The following CSMD1 variants were observed in gnomAD, a reference collection of about 807,000 sequenced individuals.
CSMD1 encodes the protein CUB and sushi domain-containing protein 1.
A neutral mutation model predicts 417.5 loss-of-function variants in CSMD1; 213 were observed. The ratio of observed to expected loss-of-function variants is 0.51; its 90% CI spans 0.46 to 0.57. The LOEUF is 0.57. Among genes scored for constraint, CSMD1 ranks in the 20% least tolerant of loss-of-function variants. The probability of loss-of-function intolerance (pLI) is 0.00; values close to 1 mark genes in which losing one functional copy is unlikely to be tolerated. For missense variants in CSMD1, 6,923 were observed against 4,529.7 expected (o/e 1.53, Z -15.17); for synonymous variants, 2,862 against 1,736.8 (o/e 1.65, Z -16.11).
intron 1 of CSMD1, among the ~76,000 whole-genome samples, chr8:4,907,321 C>T (rs1234865055): frequency 6.6e-6 from 1 of 152,148 alleles, no homozygotes; most frequent in Non-Finnish European, 1.5e-5. Context: ...AGAACTCTCT[C>T]GCTATTAACC....
At chr8:4,451,919 A>T (rs1385961409) in intron 2 of CSMD1, among the ~76,000 whole-genome samples, 1 of 149,986 alleles carries the variant, frequency 6.7e-6, no homozygotes, top group Admixed American at 6.7e-5. Context: ...ACCTGCCCAG[A>T]GATGTAAAAT....
At chr8:3,973,720 G>C (rs188292054) in intron 5 of CSMD1, among the ~76,000 whole-genome samples, 2 of 152,310 alleles carry the variant, frequency 1.3e-5, no homozygotes, top group Admixed American at 6.5e-5. Context: ...CACTTTGCAA[G>C]AACAGTGGCT....
intron 5 of CSMD1, among the ~76,000 whole-genome samples, chr8:3,839,262 T>C (rs1415626972): frequency 4.0e-5 from 5 of 124,944 alleles, no homozygotes; most frequent in Admixed American, 2.0e-4. Flanking sequence ...ATATTACTTA[T>C]ATATACTATT....
chr8:4,342,310 A>C (rs1254898126), intron 3 of CSMD1, among the ~76,000 whole-genome samples: 5 of 152,034 alleles, frequency 3.3e-5, no homozygotes, highest in Non-Finnish European at 7.4e-5. Context: ...AAAGGTGTGC[A>C]ATGTATGTAA....
chr8:4,187,090 G>T (rs563950587), intron 3 of CSMD1, among the ~76,000 whole-genome samples: 2 of 152,126 alleles, frequency 1.3e-5, no homozygotes, highest in African/African-American at 4.8e-5. Flanking sequence ...TATCTCTAAG[G>T]TCCCTTAAAA....
At chr8:4,368,055 T>A (rs570621528) in intron 3 of CSMD1, among the ~76,000 whole-genome samples, 2 of 152,282 alleles carry the variant, frequency 1.3e-5, no homozygotes, top group Non-Finnish European at 2.9e-5. Context: ...CTATGTTGAA[T>A]AGTGGTCAAA....
At chr8:4,304,843 A>C (rs1055003462) in intron 3 of CSMD1, among the ~76,000 whole-genome samples, 5 of 152,354 alleles carry the variant, frequency 3.3e-5, no homozygotes, top group Admixed American at 1.3e-4. Context: ...TTTTGTCTTG[A>C]GACCCTATTT....
At chr8:3,843,444 A>G (rs997696129) in intron 5 of CSMD1, among the ~76,000 whole-genome samples, 13 of 152,330 alleles carry the variant, frequency 8.5e-5, no homozygotes, top group Middle Eastern at 3.4e-3. Context: ...TAAGAATAAC[A>G]GCCAGCCAAA....
chr8:4,074,123 G>A (rs1251685341), intron 3 of CSMD1, among the ~76,000 whole-genome samples: 2 of 152,044 alleles, frequency 1.3e-5, no homozygotes, highest in Non-Finnish European at 2.9e-5. Context: ...TGGGTTTTAA[G>A]TTGATCATGC....
intron 2 of CSMD1, among the ~76,000 whole-genome samples, chr8:4,558,000 TTGAC>T (rs1046180321): frequency 1.3e-4 from 20 of 152,244 alleles, no homozygotes; most frequent in African/African-American, 4.6e-4. Context: ...CCAGCTGCCT[TTGAC>T]TGACCCAAAA....
chr8:3,913,836 T>C (rs573245786), intron 5 of CSMD1, among the ~76,000 whole-genome samples: 1 of 152,280 alleles, frequency 6.6e-6, no homozygotes, highest in Non-Finnish European at 1.5e-5. Context: ...TCAGACGGTC[T>C]AATCACCTTG....
chr8:4,312,251 C>A (rs117595858), intron 3 of CSMD1, among the ~76,000 whole-genome samples: 1 of 151,598 alleles, frequency 6.6e-6, no homozygotes, highest in East Asian at 1.9e-4. Context: ...ATATTGCAAT[C>A]CTAATTTATT....
chr8:3,492,837 C>G (rs1796186519), intron 11 of CSMD1, among the ~76,000 whole-genome samples: 1 of 151,656 alleles, frequency 6.6e-6, no homozygotes, highest in African/African-American at 2.4e-5. Flanking sequence ...AACACTTTTC[C>G]CCCCCATGTC....
At chr8:3,428,013 G>A (rs1055288928) in intron 12 of CSMD1, among the ~76,000 whole-genome samples, 1 of 152,170 alleles carries the variant, frequency 6.6e-6, no homozygotes. Context: ...GAAGAACATA[G>A]TAACTTTGTC....
intron 3 of CSMD1, among the ~76,000 whole-genome samples, chr8:4,377,282 G>A (rs1011115577): frequency 2.0e-5 from 3 of 152,156 alleles, no homozygotes; most frequent in African/African-American, 7.2e-5. Flanking sequence ...GACAGAGAGA[G>A]CAAAAGGGAG....
At chr8:3,719,392 G>T (rs944114244) in intron 6 of CSMD1, among the ~76,000 whole-genome samples, 3 of 152,136 alleles carry the variant, frequency 2.0e-5, no homozygotes, top group Admixed American at 6.6e-5. Flanking sequence ...AGAAGGGCTT[G>T]AATTAACTAC....
At chr8:4,499,678 G>C (rs548172566) in intron 2 of CSMD1, among the ~76,000 whole-genome samples, 33 of 152,302 alleles carry the variant, frequency 2.2e-4, no homozygotes, top group African/African-American at 7.9e-4. Context: ...TCAGATTTTA[G>C]TGAATAACTT....
chr8:3,866,213 T>TA (rs765084699), intron 5 of CSMD1, among the ~76,000 whole-genome samples: 5 of 152,234 alleles, frequency 3.3e-5, no homozygotes, highest in Admixed American at 6.5e-5. Context: ...GCATTATTCC[T>TA]AATTCTAGTT....
chr8:4,255,378 G>T (rs936533995), intron 3 of CSMD1, among the ~76,000 whole-genome samples: 1 of 152,114 alleles, frequency 6.6e-6, no homozygotes, highest in African/African-American at 2.4e-5. Context: ...AAAGGTGACT[G>T]AGCAAAAAAA....
Sources: gnomAD v4.1 joint callset for allele counts (sites outside exome capture counted in the v4.1 genomes callset) on GRCh38, gnomAD v4.1.1 for gene constraint, MANE v1.5 for transcripts, NCBI Gene and HGNC (gene_info 2026-07-23, HGNC 2026-07-21) for gene names.